MLLT3: variants seen among roughly 807,000 people sequenced by gnomAD.
MLLT3 encodes protein AF-9.
MLLT3 carries 4 observed loss-of-function variants against 53.2 expected under a neutral mutation model. The observed-to-expected ratio is 0.08, with a 90% CI of 0.04 to 0.17. MLLT3 has a LOEUF of 0.17. Ranked by LOEUF, MLLT3 falls within the 10% of genes least tolerant of loss-of-function variation. The pLI is 1.00. For missense variants in MLLT3, 569 were observed against 684.0 expected, an observed-to-expected ratio of 0.83 and a Z score of 1.87; for synonymous variants, 283 against 230.6, an observed-to-expected ratio of 1.23 and a Z score of -2.06.
intron 2 of MLLT3, among the ~76,000 whole-genome samples, chr9:20,589,713 A>ATT (rs35077926): frequency 0.039 from 5,449 of 139,152 alleles, 353 homozygotes; most frequent in African/African-American, 0.13. Flanking sequence ...TTAATCGGTG[A>ATT]TTTTTTTTTT....
At chr9:20,477,722 T>C (rs1217513772) in intron 2 of MLLT3, among the ~76,000 whole-genome samples, 2 of 152,132 alleles carry the variant, frequency 1.3e-5, no homozygotes, top group South Asian at 2.1e-4. Context: ...AGTTCTCCTA[T>C]ACTCCAGGGA....
At chr9:20,443,114 G>C (rs1010989639) in intron 4 of MLLT3, among the ~76,000 whole-genome samples, 1 of 151,976 alleles carries the variant, frequency 6.6e-6, no homozygotes, top group Non-Finnish European at 1.5e-5. Flanking sequence ...AGGAAGGAGG[G>C]AGGGAGAGAA....
chr9:20,514,515 T>C (rs1455370326), intron 2 of MLLT3, among the ~76,000 whole-genome samples: 2 of 151,430 alleles, frequency 1.3e-5, no homozygotes, highest in African/African-American at 4.9e-5. Flanking sequence ...ATTATTTTTT[T>C]ATTTTTTTTT....
Position 20,414,199 on chromosome 9 carries a change from C to T in MLLT3, c.647G>A (p.Ser216Asn). ...KPSKDSREHK[S>N]AFKEPSRDHN... ...ATCCCTGGAAGGTTCTTTGAAGGCA[C>T]TTTTATGTTCTCTGGAGTCTTTAGA... The change falls in exon 5 of 11, where the codon AGT (serine) becomes AAT (asparagine). Residue 216 changes from serine (S) to asparagine (N), a missense_variant. Transcript: ENST00000380338. 1 of 1,614,206 alleles carries T rather than the reference C, an allele frequency of 6.2e-7. No individual in the cohort carries two copies. The highest frequency in any genetic ancestry group is 8.5e-7 in the Non-Finnish European group (1 of 1,180,032).
chr9:20,365,639 C>G, intron 6 of MLLT3, 30 bp downstream of exon 6: 2 of 1,613,576 alleles, frequency 1.2e-6, no homozygotes. Flanking sequence ...ATGAGAAAAG[C>G]ATCTCCTAGT....
intron 2 of MLLT3, among the ~76,000 whole-genome samples, chr9:20,609,889 T>A (rs1820656686): frequency 6.6e-6 from 1 of 152,120 alleles, no homozygotes; most frequent in Non-Finnish European, 1.5e-5. Context: ...TTCTCAAGAA[T>A]ATCATTCTCC....
intron 2 of MLLT3, among the ~76,000 whole-genome samples, chr9:20,533,948 CT>C (rs1482782529): frequency 2.6e-5 from 4 of 152,260 alleles, no homozygotes; most frequent in African/African-American, 9.6e-5. Context: ...AATCTAACTT[CT>C]GGGGATCTCA....
At chr9:20,609,363 G>C (rs1385116693) in intron 2 of MLLT3, among the ~76,000 whole-genome samples, 1 of 151,940 alleles carries the variant, frequency 6.6e-6, no homozygotes, top group African/African-American at 2.4e-5. Context: ...CAAGTATGTT[G>C]GATGATCAAA....
rs568702059 is a variant in MLLT3 at position 20,512,873 on chromosome 9, T to C, written c.194-56087A>G. Among the ~76,000 whole-genome samples the C allele has an allele frequency of 6.6e-5, 10 of 152,358 alleles. 1 individual carries two copies. Among genetic ancestry groups the C allele is most frequent in the East Asian group, 3.9e-4 (2 of 5,192 alleles). On this transcript the variant is annotated intron_variant, in intron 2 of 10. Coordinates refer to ENST00000380338, the MANE Select transcript of MLLT3 (RefSeq NM_004529.4). Reference sequence around the variant, plus strand: ...GTCTTTTGGTTAGAACTCCTGTTTATGGCATTGCCCATTTTGCAACACAAG... The same window carrying C: ...GTCTTTTGGTTAGAACTCCTGTTTACGGCATTGCCCATTTTGCAACACAAG...
intron 2 of MLLT3, among the ~76,000 whole-genome samples, chr9:20,469,812 T>C (rs1042189664): frequency 1.3e-5 from 2 of 151,884 alleles, no homozygotes; most frequent in Admixed American, 6.6e-5. Flanking sequence ...TAAAACTGAA[T>C]GAAGGTGAGC....
intron 5 of MLLT3, among the ~76,000 whole-genome samples, chr9:20,404,797 T>C (rs557415514): frequency 1.1e-3 from 170 of 152,282 alleles, no homozygotes; most frequent in Admixed American, 2.6e-3. Context: ...TCAGCCACTG[T>C]GCCCAGCCTG....
In MLLT3 at chr9:20,565,380, G is replaced by A. The variant is rs148212136; in HGVS notation, c.193+55274C>T. 3.2e-3 allele frequency among the ~76,000 whole-genome samples: 487 copies of A among 152,090 alleles called. 1 individual carries two copies. The highest frequency in any genetic ancestry group is 0.01 in the Middle Eastern group (3 of 294). On this transcript the variant is annotated intron_variant, in intron 2 of 10. Coordinates refer to ENST00000380338, the MANE Select transcript of MLLT3 (RefSeq NM_004529.4). ...TGCAACTGTGCTCTTGGTGGGGTGC[G>A]CACACTGCGAATAACTTACCAACTC...
rs1403367779 is a variant in MLLT3 at position 20,498,670 on chromosome 9, T to C, written c.194-41884A>G. 3.3e-5 allele frequency among the ~76,000 whole-genome samples: 5 copies of C among 152,140 alleles called. No individual in the cohort carries two copies. The South Asian group carries it at 6.2e-4, about 19-fold the overall frequency. On this transcript the variant is annotated intron_variant, in intron 2 of 10. Coordinates refer to ENST00000380338, the MANE Select transcript of MLLT3 (RefSeq NM_004529.4). ...TTTTTTTTAGCTCATCAGCTATCAG[T>C]AGTGTATTTCATGTGGGGCCCAAGA...
chr9:20,555,740 C>A (rs192563602), intron 2 of MLLT3, among the ~76,000 whole-genome samples: 1 of 152,178 alleles, frequency 6.6e-6, no homozygotes, highest in South Asian at 2.1e-4. Context: ...TATAAAACCT[C>A]CCAGGCAACA....
Position 20,622,227 on chromosome 9 carries a change from A to G in MLLT3, c.12+18T>C, listed in dbSNP as rs1333475187. ...AAAGTGGGGGAGGGCTTTTATTATTATTTTTGCGCGTACTTACCGAGCTAG... is the reference window on the plus strand; with the variant it reads ...AAAGTGGGGGAGGGCTTTTATTATTGTTTTTGCGCGTACTTACCGAGCTAG... On this transcript the variant is annotated intron_variant, in intron 1 of 10. Transcript: ENST00000380338. 1.9e-6 allele frequency: 3 copies of G among 1,599,730 alleles called. No individual in the cohort carries two copies. Among genetic ancestry groups the G allele is most frequent in the South Asian group, 2.2e-5 (2 of 89,730 alleles).
At chr9:20,519,091 T>A (rs1405592165) in intron 2 of MLLT3, among the ~76,000 whole-genome samples, 1 of 152,200 alleles carries the variant, frequency 6.6e-6, no homozygotes, top group African/African-American at 2.4e-5. Flanking sequence ...AGAAGAAATT[T>A]AGATTACTCT....
intron 2 of MLLT3, among the ~76,000 whole-genome samples, chr9:20,537,703 CAAG>C (rs898722208): frequency 1.3e-5 from 2 of 151,934 alleles, no homozygotes; most frequent in African/African-American, 4.8e-5. Context: ...ATTAAAACAC[CAAG>C]AAGAAGAAAT....
Position 20,565,966 on chromosome 9 carries a change from ATT to A in MLLT3, c.193+54686_193+54687del, listed in dbSNP as rs1198010538. 1.1e-3 allele frequency among the ~76,000 whole-genome samples: 36 copies of A among 31,998 alleles called. 1 individual carries two copies. Among genetic ancestry groups the A allele is most frequent in the African/African-American group, 1.4e-3 (10 of 6,916 alleles). The allele number at this position is 31,998 out of a possible 152,430, so 21.0% of individuals were successfully genotyped here. A position where few individuals can be genotyped will look rare whatever the true frequency, so the allele number is the denominator to read the frequency against. On this transcript the variant is annotated intron_variant, in intron 2 of 10. Transcript: ENST00000380338. ...TATATATATATATTTATATATATAT[ATT>A]TATATATATATATATTTATTTATAT...
intron 10 of MLLT3, among the ~76,000 whole-genome samples, chr9:20,351,583 C>T (rs1261870698): frequency 4.6e-5 from 7 of 152,130 alleles, no homozygotes; most frequent in Admixed American, 4.6e-4. Flanking sequence ...ACTGCATGCC[C>T]CCAGAGGAAA....
Sources: allele counts gnomAD v4.1 joint callset (sites outside exome capture counted in the v4.1 genomes callset), GRCh38; gene constraint gnomAD v4.1.1; transcripts MANE v1.5; gene names NCBI Gene and HGNC (gene_info 2026-07-23, HGNC 2026-07-21).